PDE1C: variants seen among roughly 807,000 people sequenced by gnomAD.
PDE1C encodes the protein phosphodiesterase 1C.
A neutral mutation model predicts 93.1 loss-of-function variants in PDE1C; 62 were observed. The ratio of observed to expected loss-of-function variants is 0.67; its 90% CI spans 0.54 to 0.82. The LOEUF is 0.82. Ranked by LOEUF, PDE1C falls within the 40% of genes least tolerant of loss-of-function variation. The pLI, the probability that PDE1C is intolerant of heterozygous loss-of-function variation, is 0.00. For missense variants in PDE1C, 742 were observed against 884.6 expected (o/e 0.84, Z 2.04); for synonymous variants, 325 against 310.1 (o/e 1.05, Z -0.50).
chr7:31,863,261 G>A lies in PDE1C; in HGVS notation c.750+1681C>T, dbSNP rs190657938. On this transcript the variant is annotated intron_variant, in intron 7 of 17. Coordinates refer to ENST00000396191, the MANE Select transcript of PDE1C (RefSeq NM_001191057.4). ...GAATGTACATTTTTCTATTACACTC[G>A]TTAATTTCCAGTGCATAGGAGAGCT... Among the ~76,000 whole-genome samples, 13 of 152,024 alleles carry A rather than the reference G, an allele frequency of 8.6e-5. No individual in the cohort carries two copies. The East Asian group carries it at 2.3e-3, about 27-fold the overall frequency.
At chr7:32,149,287 G>A (rs1801094261) in intron 3 of PDE1C, among the ~76,000 whole-genome samples, 1 of 152,136 alleles carries the variant, frequency 6.6e-6, no homozygotes, top group Non-Finnish European at 1.5e-5. Context: ...AAACCAAAAC[G>A]ATTACAGTTA....
chr7:32,267,586 A>ACTCTCTCTCTCTCT lies in PDE1C; in HGVS notation c.85+31051_85+31064dup, dbSNP rs57210713. Among the ~76,000 whole-genome samples, 299 of 117,542 alleles carry ACTCTCTCTCTCTCT rather than the reference A, an allele frequency of 2.5e-3. 5 individuals are homozygous for ACTCTCTCTCTCTCT. Among genetic ancestry groups the ACTCTCTCTCTCTCT allele is most frequent in the African/African-American group, 8.4e-3 (247 of 29,402 alleles). 77.1% of individuals were successfully genotyped at this position (117,542 alleles called of 152,430 possible). A position where few individuals can be genotyped will look rare whatever the true frequency, so the allele number is the denominator to read the frequency against. On this transcript the variant is annotated intron_variant, in intron 1 of 18. Transcript: ENST00000396193. ...TTCTCTCTCTCTCACACACACACAC[A>ACTCTCTCTCTCTCT]CTCTCTCTCTCTCTCTCTCTCTCTC...
chr7:32,118,581 T>C (rs1038376783), intron 3 of PDE1C, among the ~76,000 whole-genome samples: 16 of 152,214 alleles, frequency 1.1e-4, no homozygotes, highest in Non-Finnish European at 2.9e-5. Flanking sequence ...TGGTTCACTG[T>C]TCTAGTGGTT....
chr7:31,929,932 G>A (rs1445398131), intron 2 of PDE1C, among the ~76,000 whole-genome samples: 1 of 152,146 alleles, frequency 6.6e-6, no homozygotes, highest in East Asian at 1.9e-4. Context: ...GAGCAGAACT[G>A]AAGGAGACAC....
intron 3 of PDE1C, chr7:32,169,694 T>G: frequency 9.3e-7 from 1 of 1,073,016 alleles, no homozygotes; most frequent in Non-Finnish European, 1.4e-6. Context: ...AATGAAGTAA[T>G]TTGCTGGCCA....
downstream of PDE1C, among the ~76,000 whole-genome samples, chr7:31,748,668 AG>A (rs1472468682): frequency 6.6e-6 from 1 of 152,196 alleles, no homozygotes; most frequent in Non-Finnish European, 1.5e-5. Context: ...CCACTAGCAA[AG>A]GCCTACTGTC....
At chr7:31,759,432 C>G (rs762104618) in intron 17 of PDE1C, among the ~76,000 whole-genome samples, 3 of 152,138 alleles carry the variant, frequency 2.0e-5, no homozygotes, top group Admixed American at 6.5e-5. Context: ...GGAGAAGAAC[C>G]AAACCTGGAT....
rs144116980 is a variant in PDE1C at position 32,207,898 on chromosome 7, G to A, written c.136+1591C>T. On this transcript the variant is annotated intron_variant, in intron 2 of 18. Coordinates refer to the PDE1C transcript ENST00000396193. ...CCTCTGGGACTCCCATGGGGGAAGG[G>A]GCACCCAGCACAGCCCTCACAGCGT... Among the ~76,000 whole-genome samples the A allele has an allele frequency of 3.2e-3, 488 of 152,304 alleles. 10 individuals are homozygous for A. Among genetic ancestry groups the A allele is most frequent in the Non-Finnish European group, 4.0e-4 (27 of 68,024 alleles).
At chr7:31,702,211 T>A in the PDE1C span, among the ~76,000 whole-genome samples, 22 of 139,462 alleles carry the variant, frequency 1.6e-4, no homozygotes, top group Admixed American at 2.8e-4. Flanking sequence ...TTATTTATTT[T>A]TTTTTTTGCC....
intron 1 of PDE1C, among the ~76,000 whole-genome samples, chr7:32,307,231 G>A (rs1317416778): frequency 6.6e-6 from 1 of 152,120 alleles, no homozygotes; most frequent in Non-Finnish European, 1.5e-5. Flanking sequence ...GGAGCAGGAT[G>A]TGGAGTTTTG....
intron 2 of PDE1C, among the ~76,000 whole-genome samples, chr7:31,912,590 G>A (rs1023521966): frequency 1.3e-5 from 2 of 152,098 alleles, no homozygotes; most frequent in East Asian, 1.9e-4. Context: ...CAGAGGCTGA[G>A]GTGGGAGGAT....
At chr7:31,951,869 T>C (rs1387428877) in intron 2 of PDE1C, among the ~76,000 whole-genome samples, 12 of 152,118 alleles carry the variant, frequency 7.9e-5, no homozygotes, top group Non-Finnish European at 1.5e-5. Context: ...TTTCAACTCT[T>C]ACACCCCCTT....
intron 3 of PDE1C, among the ~76,000 whole-genome samples, chr7:32,104,487 C>T (rs139660148): frequency 1.3e-5 from 2 of 152,182 alleles, no homozygotes; most frequent in Non-Finnish European, 2.9e-5. Context: ...GAAAAGTATC[C>T]CTTTTCTCAG....
intron 1 of PDE1C, among the ~76,000 whole-genome samples, chr7:32,331,177 A>G (rs1783506692): frequency 6.6e-6 from 1 of 152,200 alleles, no homozygotes; most frequent in Non-Finnish European, 1.5e-5. Flanking sequence ...AAATACAAAC[A>G]GGGTGGCCTC....
intron 1 of PDE1C, among the ~76,000 whole-genome samples, chr7:32,210,037 T>C (rs926217320): frequency 1.3e-5 from 2 of 152,322 alleles, no homozygotes; most frequent in Non-Finnish European, 2.9e-5. Context: ...AGATATTAAA[T>C]TTAGATGCTA....
At chr7:32,076,124 C>G (rs1796339317), upstream of PDE1C, among the ~76,000 whole-genome samples, 1 of 152,116 alleles carries the variant, frequency 6.6e-6, no homozygotes, top group Non-Finnish European at 1.5e-5. Context: ...TAGACATAAC[C>G]TAGATTGTCC....
chr7:32,405,690 G>A (rs1418190703), intron 1 of PDE1C, among the ~76,000 whole-genome samples: 1 of 152,142 alleles, frequency 6.6e-6, no homozygotes, highest in Non-Finnish European at 1.5e-5. Context: ...CCTCCAGAGT[G>A]GTTAAAACCT....
At chr7:32,390,668 AAAAC>A in intron 1 of PDE1C, among the ~76,000 whole-genome samples, 1 of 152,096 alleles carries the variant, frequency 6.6e-6, no homozygotes, top group East Asian at 1.9e-4. Context: ...GTAACATGGC[AAAAC>A]TTCCTTTCTA....
chr7:31,769,809 C>G (rs1583996516), intron 17 of PDE1C, among the ~76,000 whole-genome samples: 1 of 152,316 alleles, frequency 6.6e-6, no homozygotes, highest in Middle Eastern at 3.4e-3. Context: ...TACTTTCTGT[C>G]TCTATGGATT....
Sources: gnomAD v4.1 joint callset for allele counts (sites outside exome capture counted in the v4.1 genomes callset) on GRCh38, gnomAD v4.1.1 for gene constraint, MANE v1.5 for transcripts, NCBI Gene and HGNC (gene_info 2026-07-23, HGNC 2026-07-21) for gene names.